Variants in ATP8B4 observed in about 807,000 individuals in gnomAD.
ATP8B4 encodes ATPase phospholipid transporting 8B4 (putative).
A neutral mutation model predicts 145.6 loss-of-function variants in ATP8B4; 133 were observed. That is an observed-to-expected ratio of 0.91 (90% CI 0.79 to 1.05). The LOEUF is 1.05. Ranked by LOEUF, ATP8B4 falls within the 50% of genes least tolerant of loss-of-function variation. The pLI, the probability that ATP8B4 is intolerant of heterozygous loss-of-function variation, is 0.00. For missense variants in ATP8B4, 1,458 were observed against 1,425.2 expected, an observed-to-expected ratio of 1.02 and a Z score of -0.37; for synonymous variants, 507 against 492.9, an observed-to-expected ratio of 1.03 and a Z score of -0.38.
At chr15:49,871,893 G>A (rs192360733) in intron 25 of ATP8B4, among the ~76,000 whole-genome samples, 3 of 152,294 alleles carry the variant, frequency 2.0e-5, no homozygotes, top group South Asian at 2.1e-4. Flanking sequence ...GTGGGAGTGG[G>A]ACTGGGAGTG....
chr15:50,055,693 A>G (rs187708597), intron 3 of ATP8B4, among the ~76,000 whole-genome samples: 1 of 152,368 alleles, frequency 6.6e-6, no homozygotes, highest in Admixed American at 6.5e-5. Context: ...TCCAGATTCC[A>G]GAGACAGAAA....
intron 26 of ATP8B4, among the ~76,000 whole-genome samples, chr15:49,863,463 A>T (rs558212363): frequency 6.6e-6 from 1 of 152,228 alleles, no homozygotes; most frequent in African/African-American, 2.4e-5. Context: ...AACCCTGCTT[A>T]TATCACCAAA....
At chr15:49,864,488 C>A (rs1299745995) in intron 26 of ATP8B4, among the ~76,000 whole-genome samples, 2 of 152,186 alleles carry the variant, frequency 1.3e-5, no homozygotes, top group Admixed American at 6.5e-5. Context: ...CGGTTAGCAG[C>A]TTATTTCACA....
At chr15:49,876,128 CT>C in intron 25 of ATP8B4, 149 bp downstream of exon 25, 1 of 1,128,260 alleles carries the variant, frequency 8.9e-7, no homozygotes, top group African/African-American at 1.6e-5. Flanking sequence ...TTAAAGCTTC[CT>C]GCTTTCATCT....
At chr15:50,097,796 G>A (rs2056083108) in intron 2 of ATP8B4, among the ~76,000 whole-genome samples, 1 of 152,054 alleles carries the variant, frequency 6.6e-6, no homozygotes, top group South Asian at 2.1e-4. Flanking sequence ...GAGTTTTCAG[G>A]AGAAAAACCT....
At chr15:49,861,610 TTATC>T (rs1293902686) in intron 27 of ATP8B4, among the ~76,000 whole-genome samples, 1 of 152,178 alleles carries the variant, frequency 6.6e-6, no homozygotes, top group Non-Finnish European at 1.5e-5. Flanking sequence ...TTTTCACGCT[TTATC>T]TGAGTCCTGA....
chr15:49,992,459 G>A (rs1047910167), intron 9 of ATP8B4, among the ~76,000 whole-genome samples: 1 of 152,106 alleles, frequency 6.6e-6, no homozygotes, highest in African/African-American at 2.4e-5. Context: ...TGTATGTATG[G>A]ATGAAAGAAA....
chr15:50,062,498 T>C lies in ATP8B4; in HGVS notation c.87+11629A>G, dbSNP rs1044803495. ...TAAATTACCCAGTCTCAGGTACTTC[T>C]TTATGGCAATGCAAGAACAGTCCAA... On this transcript the variant is annotated intron_variant, in intron 3 of 27. Transcript: ENST00000284509. Among the ~76,000 whole-genome samples the C allele has an allele frequency of 3.3e-5, 5 of 152,194 alleles. 1 individual carries two copies. Among genetic ancestry groups the C allele is most frequent in the Middle Eastern group, 6.8e-3 (2 of 294 alleles).
intron 2 of ATP8B4, among the ~76,000 whole-genome samples, chr15:50,077,081 T>C (rs1356649261): frequency 6.6e-6 from 1 of 152,188 alleles, no homozygotes; most frequent in African/African-American, 2.4e-5. Context: ...TCCTTCCATA[T>C]GTAAGAGGAA....
In ATP8B4 at chr15:50,022,303, C is replaced by T. The variant is rs181189747; in HGVS notation, c.363-11386G>A. ...TTTGTTCCCCAGACTGGCCTAAGTA[C>T]CCCTTCTTTAGTGCTTCCGTTGAGG... On this transcript the variant is annotated intron_variant, in intron 6 of 27. Transcript: ENST00000284509. 1.4e-4 allele frequency among the ~76,000 whole-genome samples: 21 copies of T among 152,238 alleles called. No individual in the cohort carries two copies. In the East Asian group the frequency reaches 3.5e-3, roughly 25 times the overall value.
intron 6 of ATP8B4, 149 bp from the exon 7 acceptor site, chr15:50,011,066 G>A (rs2048690815): frequency 2.3e-5 from 12 of 522,954 alleles, no homozygotes; most frequent in East Asian, 3.6e-5. Flanking sequence ...ACATTAACAC[G>A]GGAACAAAGG....
chr15:50,120,721 T>C (rs915572238), upstream of ATP8B4, among the ~76,000 whole-genome samples: 1 of 152,116 alleles, frequency 6.6e-6, no homozygotes, highest in African/African-American at 2.4e-5. Context: ...AAAAAACACC[T>C]AAAAATGGCT....
At chr15:50,177,730 T>C (rs1030330447) in intron 1 of ATP8B4, among the ~76,000 whole-genome samples, 4 of 152,228 alleles carry the variant, frequency 2.6e-5, no homozygotes, top group African/African-American at 9.6e-5. Flanking sequence ...GGACTAGCAG[T>C]GTCAGCAATA....
chr15:50,055,576 T>G (rs1301237292), intron 3 of ATP8B4, among the ~76,000 whole-genome samples: 2 of 152,152 alleles, frequency 1.3e-5, no homozygotes, highest in African/African-American at 4.8e-5. Context: ...GATGAAACAT[T>G]TGTACATCAT....
rs566807632 is a variant in ATP8B4, at chr15:50,011,435, T to C, written c.363-518A>G. On this transcript the variant is annotated intron_variant, in intron 6 of 27. Coordinates refer to ENST00000284509, the MANE Select transcript of ATP8B4 (RefSeq NM_024837.4). ...ATAAAAGAAGCCTTGGAAGACTGAA[T>C]GAGAAGGACTACCTACAAACCAGCA... Among the ~76,000 whole-genome samples the C allele has an allele frequency of 1.5e-4, 23 of 152,226 alleles. No individual in the cohort carries two copies. In the East Asian group the frequency reaches 4.4e-3, roughly 29 times the overall value.
At chr15:49,987,355 G>C (rs1371104115) in intron 10 of ATP8B4, 36 bp downstream of exon 10, 3 of 1,603,412 alleles carry the variant, frequency 1.9e-6, no homozygotes, top group Admixed American at 3.4e-5. Flanking sequence ...TGCAGGAAAG[G>C]TTCCCACAGA....
chr15:50,074,125 A>G lies in ATP8B4; in HGVS notation c.87+2T>C. The G allele has an allele frequency of 6.2e-7, 1 of 1,611,688 alleles. No individual in the cohort carries two copies. The highest frequency in any genetic ancestry group is 2.2e-5 in the East Asian group (1 of 44,828). On this transcript the variant is annotated splice_donor_variant, in intron 3 of 27. Transcript: ENST00000284509. LOFTEE classifies it high-confidence loss of function. ...CGTATGTGTTATGTGTGTTTCACTTACCGCATACTGGAACTTTTCATTATA... is the reference window on the plus strand; with the variant it reads ...CGTATGTGTTATGTGTGTTTCACTTGCCGCATACTGGAACTTTTCATTATA...
At chr15:50,073,122 C>G (rs2053961948) in intron 3 of ATP8B4, among the ~76,000 whole-genome samples, 1 of 149,784 alleles carries the variant, frequency 6.7e-6, no homozygotes. Flanking sequence ...ACTTCTGGGA[C>G]ACGTGCAGAA....
intron 15 of ATP8B4, among the ~76,000 whole-genome samples, chr15:49,931,512 C>T (rs1006706288): frequency 2.0e-5 from 3 of 152,030 alleles, no homozygotes; most frequent in South Asian, 2.1e-4. Flanking sequence ...CATATCACTG[C>T]TATAGCCCTT....
Sources: allele counts gnomAD v4.1 joint callset (sites outside exome capture counted in the v4.1 genomes callset), GRCh38; gene constraint gnomAD v4.1.1; transcripts MANE v1.5; gene names NCBI Gene and HGNC (gene_info 2026-07-23, HGNC 2026-07-21).